PTPRO: variants seen among roughly 807,000 people sequenced by gnomAD.
The protein encoded by PTPRO is protein tyrosine phosphatase receptor type O.
Under a neutral mutation model 145.2 loss-of-function variants are expected in PTPRO, and 62 were observed. That is an observed-to-expected ratio of 0.43 (90% CI 0.35 to 0.53). The LOEUF is 0.53. PTPRO is among the 20% of genes least tolerant of loss of function. The pLI is 0.01. For missense variants in PTPRO, 1,345 were observed against 1,482.7 expected (o/e 0.91, Z 1.53); for synonymous variants, 565 against 514.7 (o/e 1.10, Z -1.32).
chr12:15,399,403 T>C lies in PTPRO; in HGVS notation c.75+76602T>C, dbSNP rs1002770372. 3.9e-4 allele frequency among the ~76,000 whole-genome samples: 60 copies of C among 152,204 alleles called. 1 individual carries two copies. Among genetic ancestry groups the C allele is most frequent in the African/African-American group, 1.4e-3 (59 of 41,544 alleles). On this transcript the variant is annotated intron_variant, in intron 1 of 26. Coordinates refer to ENST00000281171, the MANE Select transcript of PTPRO (RefSeq NM_030667.3). ...ACTTGCCCCAGGTAAAGTAAAAAAG[T>C]AATTGTTGGAGCTAGGAGTTGAATC... is the stretch of plus-strand genomic sequence containing the variant.
At chr12:15,408,852 A>C (rs754753673) in intron 1 of PTPRO, among the ~76,000 whole-genome samples, 5 of 152,188 alleles carry the variant, frequency 3.3e-5, no homozygotes, top group Non-Finnish European at 7.3e-5. Context: ...CGGTATCTTT[A>C]ACCGTAAAAT....
At chr12:15,459,562 C>G (rs1247374355) in intron 1 of PTPRO, among the ~76,000 whole-genome samples, 1 of 152,140 alleles carries the variant, frequency 6.6e-6, no homozygotes, top group Admixed American at 6.5e-5. Context: ...GTTTTTTGTT[C>G]ACTTCAGATC....
At position 15,516,744 on chromosome 12, in the gene PTPRO, C is replaced by T. The variant is rs141329471; in HGVS notation, c.1586-19C>T. ...CCTTCTTAACTTTCTTTTTCTACCC[C>T]CTGCCCTCTTCTTTCTAGTTCCCAC... On this transcript the variant is annotated intron_variant, in intron 8 of 26. Transcript: ENST00000281171. 1 of 1,579,590 alleles carries T rather than the reference C, an allele frequency of 6.3e-7. No homozygotes were observed. Among genetic ancestry groups the T allele is most frequent in the Non-Finnish European group, 8.7e-7 (1 of 1,148,814 alleles).
intron 1 of PTPRO, among the ~76,000 whole-genome samples, chr12:15,398,552 C>G (rs961238305): frequency 6.6e-6 from 1 of 151,738 alleles, no homozygotes; most frequent in African/African-American, 2.4e-5. Flanking sequence ...AACAATAACG[C>G]CTACCACAGA....
At chr12:15,342,723 C>T (rs1306036343) in intron 1 of PTPRO, among the ~76,000 whole-genome samples, 1 of 152,194 alleles carries the variant, frequency 6.6e-6, no homozygotes, top group Non-Finnish European at 1.5e-5. Flanking sequence ...CAGGTGCTAC[C>T]ACTGCCAATC....
At chr12:15,527,379 C>T (rs764377908) in intron 12 of PTPRO, among the ~76,000 whole-genome samples, 2 of 152,202 alleles carry the variant, frequency 1.3e-5, no homozygotes, top group Non-Finnish European at 2.9e-5. Flanking sequence ...CTTGGGCTCC[C>T]TGGCAGGAAA....
At chr12:15,507,565 C>T (rs527797077) in intron 6 of PTPRO, among the ~76,000 whole-genome samples, 39 of 152,334 alleles carry the variant, frequency 2.6e-4, no homozygotes, top group African/African-American at 9.1e-4. Context: ...TCAACCACTA[C>T]TGTGATGTCC....
chr12:15,342,544 T>C (rs1451894752), intron 1 of PTPRO, among the ~76,000 whole-genome samples: 1 of 152,216 alleles, frequency 6.6e-6, no homozygotes, highest in Admixed American at 6.5e-5. Context: ...TAGTAATAAC[T>C]CCAATTACAG....
chr12:15,518,115 C>T (rs538451801), intron 9 of PTPRO, among the ~76,000 whole-genome samples: 16 of 152,364 alleles, frequency 1.1e-4, no homozygotes, highest in African/African-American at 3.8e-4. Context: ...TTTCTGAAAT[C>T]TAGGTGGAGG....
intron 1 of PTPRO, among the ~76,000 whole-genome samples, chr12:15,477,780 A>G (rs181306154): frequency 1.3e-5 from 2 of 152,326 alleles, no homozygotes; most frequent in African/African-American, 2.4e-5. Context: ...TCTGTCCATC[A>G]TAAGCACACA....
At chr12:15,386,683 T>C (rs1224934077) in intron 1 of PTPRO, among the ~76,000 whole-genome samples, 2 of 152,178 alleles carry the variant, frequency 1.3e-5, no homozygotes, top group Non-Finnish European at 2.9e-5. Flanking sequence ...AAAATATTCT[T>C]TTGCTCTAAG....
chr12:15,405,629 A>G (rs1005821525), intron 1 of PTPRO, among the ~76,000 whole-genome samples: 6 of 152,186 alleles, frequency 3.9e-5, no homozygotes, highest in Admixed American at 2.6e-4. Flanking sequence ...TTTGCACAAA[A>G]AATTTTAAGT....
At chr12:15,469,636 A>G (rs1400142121) in intron 1 of PTPRO, among the ~76,000 whole-genome samples, 2 of 152,166 alleles carry the variant, frequency 1.3e-5, no homozygotes, top group Non-Finnish European at 2.9e-5. Flanking sequence ...TTGCAGACAA[A>G]ACAAGAAAAA....
At chr12:15,404,188 CAA>C (rs370733389) in intron 1 of PTPRO, among the ~76,000 whole-genome samples, 117 of 49,972 alleles carry the variant, frequency 2.3e-3, no homozygotes, top group South Asian at 7.5e-3. Flanking sequence ...GACCCCATCT[CAA>C]AAAAAAAAAA....
Position 15,465,133 on chromosome 12 carries a change from G to A in PTPRO, c.76-18841G>A, listed in dbSNP as rs190300331. Among the ~76,000 whole-genome samples, 729 of 152,182 alleles carry A rather than the reference G, an allele frequency of 4.8e-3. 6 individuals are homozygous for A. The highest frequency in any genetic ancestry group is 0.017 in the African/African-American group (713 of 41,510). On this transcript the variant is annotated intron_variant, in intron 1 of 26. Transcript: ENST00000281171. ...TCCAAAGAATGGAATCCTTTCACTTGGTGCAATAAGTTGAATACTGTCTTT... is the reference window on the plus strand; with the variant it reads ...TCCAAAGAATGGAATCCTTTCACTTAGTGCAATAAGTTGAATACTGTCTTT...
intron 1 of PTPRO, among the ~76,000 whole-genome samples, chr12:15,445,972 T>C (rs1229774503): frequency 1.3e-5 from 2 of 152,128 alleles, no homozygotes; most frequent in African/African-American, 4.8e-5. Flanking sequence ...ACTCATGAAA[T>C]TGACATTTGT....
At chr12:15,539,933 T>G (rs940427484) in intron 12 of PTPRO, among the ~76,000 whole-genome samples, 3 of 151,788 alleles carry the variant, frequency 2.0e-5, no homozygotes, top group Non-Finnish European at 4.4e-5. Context: ...TTTTTTTATT[T>G]CCTGGTTTTT....
chr12:15,360,955 C>CACACATAT (rs1372603187), intron 1 of PTPRO, among the ~76,000 whole-genome samples: 3 of 144,202 alleles, frequency 2.1e-5, no homozygotes, highest in African/African-American at 5.1e-5. Flanking sequence ...CGTGTATATA[C>CACACATAT]ACACACATAT....
chr12:15,398,481 CAAAA>C (rs565625161), intron 1 of PTPRO, among the ~76,000 whole-genome samples: 1 of 114,596 alleles, frequency 8.7e-6, no homozygotes. Flanking sequence ...ATACTTTTTC[CAAAA>C]AAAAAAAAAA....
Sources: allele counts gnomAD v4.1 joint callset (sites outside exome capture counted in the v4.1 genomes callset), GRCh38; gene constraint gnomAD v4.1.1; transcripts MANE v1.5; gene names NCBI Gene and HGNC (gene_info 2026-07-23, HGNC 2026-07-21).